Variants in NXPE2 observed in about 807,000 individuals in gnomAD.
NXPE2 encodes neurexophilin and PC-esterase domain family member 2.
In NXPE2, 34 loss-of-function variants were observed where a neutral mutation model predicts 34.4. The observed-to-expected ratio is 0.99, with a 90% CI of 0.75 to 1.31. NXPE2 has a LOEUF of 1.31. NXPE2 is among the 40% of genes most tolerant of loss of function. The pLI, the probability that NXPE2 is intolerant of heterozygous loss-of-function variation, is 0.00. For synonymous variants in NXPE2, 235 were observed against 231.3 expected, an observed-to-expected ratio of 1.02 and a Z score of -0.15; for missense variants, 649 against 672.5, an observed-to-expected ratio of 0.97 and a Z score of 0.39.
chr11:114,522,357 T>C, the NXPE2 span: 1 of 1,614,084 alleles, frequency 6.2e-7, no homozygotes, highest in South Asian at 1.1e-5. Flanking sequence ...TCCCGAGGGA[T>C]ATAATCATGA....
At chr11:114,752,356 G>A in the NXPE2 span, among the ~76,000 whole-genome samples, 1 of 152,168 alleles carries the variant, frequency 6.6e-6, no homozygotes. Flanking sequence ...CAATGATTTG[G>A]TTTTCATTTT....
Position 114,706,591 on chromosome 11 carries a change from C to T in NXPE2, c.1341C>T (p.Val447=). The part of the protein sequence containing the change: ...QVAGDKNTAI[V]ITLGQHFRPF... ...CAGGAGACAAAAACACAGCCATTGTCATTACCCTCGGCCAACACTTCAGAC... is the reference window on the plus strand; with the variant it reads ...CAGGAGACAAAAACACAGCCATTGTTATTACCCTCGGCCAACACTTCAGAC... Residue 447 remains valine, a synonymous_variant, in exon 6 of 6, where the codon GTC becomes GTT. Transcript: ENST00000389586. The T allele has an allele frequency of 6.4e-7, 1 of 1,551,876 alleles. No homozygotes were observed. Among genetic ancestry groups the T allele is most frequent in the Non-Finnish European group, 8.7e-7 (1 of 1,146,998 alleles).
At chr11:114,623,715 T>C in the NXPE2 span, among the ~76,000 whole-genome samples, 1 of 152,134 alleles carries the variant, frequency 6.6e-6, no homozygotes, top group Non-Finnish European at 1.5e-5. Context: ...ACCCGATGGA[T>C]AATAAGTATT....
the NXPE2 span, among the ~76,000 whole-genome samples, chr11:114,785,404 T>G: frequency 6.6e-6 from 1 of 152,148 alleles, no homozygotes; most frequent in Non-Finnish European, 1.5e-5. Flanking sequence ...CAAACTCAAT[T>G]GTTATCATTA....
At chr11:114,554,819 G>T in the NXPE2 span, among the ~76,000 whole-genome samples, 1 of 152,058 alleles carries the variant, frequency 6.6e-6, no homozygotes, top group Non-Finnish European at 1.5e-5. Context: ...TGAAAATAAA[G>T]GTGTTATTTT....
At chr11:114,596,623 C>T in the NXPE2 span, among the ~76,000 whole-genome samples, 1 of 152,130 alleles carries the variant, frequency 6.6e-6, no homozygotes, top group Admixed American at 6.5e-5. Context: ...TACTTGATGA[C>T]CTTTGGAAAA....
the NXPE2 span, among the ~76,000 whole-genome samples, chr11:114,737,865 C>T: frequency 6.6e-6 from 1 of 152,044 alleles, no homozygotes; most frequent in African/African-American, 2.4e-5. Flanking sequence ...GGCAGATCAC[C>T]TGAGCTTAGG....
At chr11:114,687,179 T>A (rs1174963544) in intron 2 of NXPE2, among the ~76,000 whole-genome samples, 1 of 152,140 alleles carries the variant, frequency 6.6e-6, no homozygotes, top group Non-Finnish European at 1.5e-5. Context: ...AGTTATAAAT[T>A]CTTTGCCTGG....
At chr11:114,639,441 C>G in the NXPE2 span, among the ~76,000 whole-genome samples, 5 of 151,706 alleles carry the variant, frequency 3.3e-5, no homozygotes, top group African/African-American at 1.2e-4. Flanking sequence ...ATGCCATGCT[C>G]TGCTTCGGCT....
chr11:114,551,660 G>A, the NXPE2 span, among the ~76,000 whole-genome samples: 3 of 152,146 alleles, frequency 2.0e-5, no homozygotes, highest in African/African-American at 7.2e-5. Context: ...CTGTTAACTG[G>A]GCAGGGAGGT....
chr11:114,571,312 C>T, the NXPE2 span: 1 of 1,613,984 alleles, frequency 6.2e-7, no homozygotes, highest in Non-Finnish European at 8.5e-7. Context: ...CCAGTTCTGT[C>T]AATGGCCCGG....
chr11:114,728,472 T>C, the NXPE2 span, among the ~76,000 whole-genome samples: 8 of 152,222 alleles, frequency 5.3e-5, no homozygotes, highest in East Asian at 9.6e-4. Flanking sequence ...TTTGCTTAAT[T>C]TTTTATGTAC....
chr11:114,779,607 CTTTG>C, the NXPE2 span, among the ~76,000 whole-genome samples: 4 of 152,070 alleles, frequency 2.6e-5, no homozygotes, highest in African/African-American at 7.2e-5. Context: ...CAGTTTCTGG[CTTTG>C]TTTGGGCTCA....
chr11:114,797,104 G>T, the NXPE2 span, among the ~76,000 whole-genome samples: 3 of 152,186 alleles, frequency 2.0e-5, no homozygotes, highest in African/African-American at 7.2e-5. Flanking sequence ...GTAGGAGACT[G>T]GTATTCAGTA....
chr11:114,591,052 A>G, the NXPE2 span, among the ~76,000 whole-genome samples: 1 of 152,178 alleles, frequency 6.6e-6, no homozygotes, highest in Non-Finnish European at 1.5e-5. Context: ...GGAGGATCTC[A>G]GGGAAACTCC....
chr11:114,659,631 A>G, the NXPE2 span, among the ~76,000 whole-genome samples: 3 of 152,184 alleles, frequency 2.0e-5, no homozygotes, highest in African/African-American at 7.2e-5. Context: ...AATGAAATGA[A>G]TATGAAAATA....
the NXPE2 span, chr11:114,522,057 T>C: frequency 5.6e-6 from 9 of 1,613,542 alleles, no homozygotes; most frequent in East Asian, 8.9e-5. Flanking sequence ...GCAATGGTCA[T>C]GTCCCAGGCA....
chr11:114,812,924 G>A, the NXPE2 span, among the ~76,000 whole-genome samples: 1 of 152,146 alleles, frequency 6.6e-6, no homozygotes, highest in African/African-American at 2.4e-5. Context: ...TAAATCATCG[G>A]AGATGTCAGA....
At chr11:114,610,645 C>T in the NXPE2 span, among the ~76,000 whole-genome samples, 4 of 151,906 alleles carry the variant, frequency 2.6e-5, no homozygotes, top group Admixed American at 2.0e-4. Flanking sequence ...TCATGGGTAA[C>T]CACTGTTAAC....
Sources: allele counts gnomAD v4.1 joint callset (sites outside exome capture counted in the v4.1 genomes callset), GRCh38; gene constraint gnomAD v4.1.1; transcripts MANE v1.5; gene names NCBI Gene and HGNC (gene_info 2026-07-23, HGNC 2026-07-21).